SORCS2: variants seen among roughly 807,000 people sequenced by gnomAD.
The protein encoded by SORCS2 is VPS10 domain-containing receptor SorCS2.
In SORCS2, 100 loss-of-function variants were observed where a neutral mutation model predicts 141.6. The ratio of observed to expected loss-of-function variants is 0.71; its 90% CI spans 0.60 to 0.83. The LOEUF (loss-of-function observed/expected upper bound fraction) is 0.83, where lower values mean the gene tolerates loss of function less well. Among genes scored for constraint, SORCS2 ranks in the 40% least tolerant of loss-of-function variants. The pLI, the probability that SORCS2 is intolerant of heterozygous loss-of-function variation, is 0.00. For synonymous variants in SORCS2, 789 were observed against 676.9 expected (o/e 1.17, Z -2.57); for missense variants, 1,646 against 1,560.2 (o/e 1.05, Z -0.93).
intron 2 of SORCS2, among the ~76,000 whole-genome samples, chr4:7,450,901 G>T (rs1350848791): frequency 6.7e-6 from 1 of 149,390 alleles, no homozygotes; most frequent in African/African-American, 2.5e-5. Flanking sequence ...AATGAGTGAG[G>T]GAGTGAATGA....
chr4:7,381,053 GCC>G (rs1442880680), intron 1 of SORCS2, among the ~76,000 whole-genome samples: 1 of 141,000 alleles, frequency 7.1e-6, no homozygotes, highest in Non-Finnish European at 1.5e-5. Flanking sequence ...CTGCACTCCA[GCC>G]TGGGTGATAG....
intron 3 of SORCS2, among the ~76,000 whole-genome samples, chr4:7,581,392 T>G (rs1438153590): frequency 2.0e-5 from 3 of 152,192 alleles, no homozygotes; most frequent in African/African-American, 7.2e-5. Flanking sequence ...TGAGCATGCT[T>G]CTATTCATCT....
At chr4:7,264,044 C>G (rs528539032) in intron 1 of SORCS2, among the ~76,000 whole-genome samples, 1 of 152,304 alleles carries the variant, frequency 6.6e-6, no homozygotes, top group East Asian at 1.9e-4. Flanking sequence ...CCTGAGGTCA[C>G]AGAGGCCCCC....
At chr4:7,486,777 T>C (rs1731015896) in intron 2 of SORCS2, among the ~76,000 whole-genome samples, 1 of 152,166 alleles carries the variant, frequency 6.6e-6, no homozygotes, top group Non-Finnish European at 1.5e-5. Flanking sequence ...TGCCCTCCCA[T>C]GGTGTTTTCT....
rs1560468436 is a variant in SORCS2, at chr4:7,667,112, TC to T, written c.1072-7del. Reference sequence around the variant, plus strand: ...TCAAGCCTCTCAAAAATGTGTTTCTTCCCCCGGTTAGGCAACATCAGCAAAC... The same window carrying T: ...TCAAGCCTCTCAAAAATGTGTTTCTTCCCCGGTTAGGCAACATCAGCAAAC... On this transcript the variant is annotated splice_polypyrimidine_tract_variant and intron_variant, in intron 7 of 26. Coordinates refer to ENST00000507866, the MANE Select transcript of SORCS2 (RefSeq NM_020777.3). 1 of 1,608,944 alleles carries T rather than the reference TC, an allele frequency of 6.2e-7. No individual in the cohort carries two copies. The highest frequency in any genetic ancestry group is 8.5e-7 in the Non-Finnish European group (1 of 1,175,580).
chr4:7,266,977 G>C (rs748120443), intron 1 of SORCS2, among the ~76,000 whole-genome samples: 1 of 152,132 alleles, frequency 6.6e-6, no homozygotes, highest in Non-Finnish European at 1.5e-5. Flanking sequence ...AGTGGGGGGT[G>C]GGGGAGGTGT....
chr4:7,330,484 C>G (rs1719584271), intron 1 of SORCS2, among the ~76,000 whole-genome samples: 1 of 151,718 alleles, frequency 6.6e-6, no homozygotes, highest in South Asian at 2.1e-4. Context: ...ACGTCCAAGT[C>G]CAATGCTGCC....
chr4:7,466,484 T>G (rs1314764705), intron 2 of SORCS2, among the ~76,000 whole-genome samples: 1 of 152,170 alleles, frequency 6.6e-6, no homozygotes, highest in Admixed American at 6.5e-5. Flanking sequence ...AGAAGCAGTT[T>G]AATGAGCCAG....
At chr4:7,226,928 G>A (rs976062357) in intron 1 of SORCS2, among the ~76,000 whole-genome samples, 2 of 152,228 alleles carry the variant, frequency 1.3e-5, no homozygotes, top group African/African-American at 4.8e-5. Flanking sequence ...GCTAGCAAGT[G>A]AGTTCCTCGA....
At position 7,232,881 on chromosome 4, in the gene SORCS2, T is replaced by A. The variant is rs545315888; in HGVS notation, c.480+39755T>A. ...GCCGAGCATGGTCTCAAAGTCAAGA[T>A]TTGGTAAGGCACTGGGGGACCCCCA... On this transcript the variant is annotated intron_variant, in intron 1 of 26. Transcript: ENST00000507866. Among the ~76,000 whole-genome samples the A allele has an allele frequency of 2.6e-5, 4 of 152,224 alleles. No homozygotes were observed. In the South Asian group the frequency reaches 6.2e-4, roughly 24 times the overall value.
chr4:7,431,499 G>A (rs919186749), intron 2 of SORCS2: 3 of 152,330 alleles, frequency 2.0e-5, no homozygotes, highest in African/African-American at 7.2e-5. Flanking sequence ...GTCCCAGAGA[G>A]TGTGTCAGGT....
chr4:7,289,082 A>G (rs777107736), intron 1 of SORCS2, among the ~76,000 whole-genome samples: 1 of 152,146 alleles, frequency 6.6e-6, no homozygotes, highest in African/African-American at 2.4e-5. Context: ...AGAGCTAGCA[A>G]TGGAAAACAC....
intron 2 of SORCS2, among the ~76,000 whole-genome samples, chr4:7,461,624 C>A (rs997622915): frequency 6.6e-6 from 1 of 152,206 alleles, no homozygotes. Flanking sequence ...ATCCGAGGAG[C>A]GTAGCAGCAG....
intron 1 of SORCS2, among the ~76,000 whole-genome samples, chr4:7,242,024 G>A (rs967573190): frequency 3.3e-5 from 5 of 152,114 alleles, no homozygotes; most frequent in South Asian, 4.1e-4. Flanking sequence ...TTTGACTGGC[G>A]AGGAAGCTAC....
chr4:7,410,000 A>G (rs1725201467), intron 2 of SORCS2, among the ~76,000 whole-genome samples: 2 of 152,214 alleles, frequency 1.3e-5, no homozygotes, highest in South Asian at 2.1e-4. Context: ...CCCAACAGCA[A>G]TGCAGCGTCC....
At chr4:7,653,938 G>C (rs988345570) in intron 4 of SORCS2, among the ~76,000 whole-genome samples, 196 bp from the exon 5 acceptor site, 1 of 152,188 alleles carries the variant, frequency 6.6e-6, no homozygotes, top group Non-Finnish European at 1.5e-5. Context: ...CAGCTGGCCC[G>C]GGGACAGGAA....
At chr4:7,454,638 T>G (rs1267042189) in intron 2 of SORCS2, among the ~76,000 whole-genome samples, 1 of 72,662 alleles carries the variant, frequency 1.4e-5, no homozygotes, top group Non-Finnish European at 2.6e-5. Flanking sequence ...TGCTGTGTGT[T>G]GGGGTCAGGC....
intron 2 of SORCS2, among the ~76,000 whole-genome samples, chr4:7,494,495 C>T (rs1050155022): frequency 6.9e-5 from 10 of 145,674 alleles, no homozygotes; most frequent in African/African-American, 1.0e-4. Context: ...TCTGCCTCCT[C>T]GCTGTGTCGT....
intron 2 of SORCS2, among the ~76,000 whole-genome samples, chr4:7,406,415 C>T (rs1426423738): frequency 7.2e-6 from 1 of 139,406 alleles, no homozygotes; most frequent in Non-Finnish European, 1.5e-5. Context: ...GATTTTGTTA[C>T]TAATTGTTGA....
Sources: gnomAD v4.1 joint callset for allele counts (sites outside exome capture counted in the v4.1 genomes callset) on GRCh38, gnomAD v4.1.1 for gene constraint, MANE v1.5 for transcripts, NCBI Gene and HGNC (gene_info 2026-07-23, HGNC 2026-07-21) for gene names.